Variants in TECPR1 observed in about 807,000 individuals in gnomAD.
The protein encoded by TECPR1 is tectonin beta-propeller repeat containing 1.
In TECPR1, 122 loss-of-function variants were observed where a neutral mutation model predicts 162.4. The observed-to-expected ratio is 0.75, with a 90% CI of 0.65 to 0.87. TECPR1 has a LOEUF of 0.87. Among genes scored for constraint, TECPR1 ranks in the 40% least tolerant of loss-of-function variants. The pLI, the probability that TECPR1 is intolerant of heterozygous loss-of-function variation, is 0.00. For synonymous variants in TECPR1, 642 were observed against 670.6 expected (o/e 0.96, Z 0.66); for missense variants, 1,432 against 1,618.2 (o/e 0.88, Z 1.97).
chr7:98,220,356 A>T (rs868657789), intron 23 of TECPR1, among the ~76,000 whole-genome samples: 5 of 152,202 alleles, frequency 3.3e-5, no homozygotes, highest in Admixed American at 2.6e-4. Context: ...AAAACAAAAA[A>T]AAAATTTTTT....
In TECPR1 at chr7:98,243,582, T is replaced by C. The variant is rs1798825797; in HGVS notation, c.542A>G (p.Lys181Arg). 1.2e-6 allele frequency: 2 copies of C among 1,612,204 alleles called. No homozygotes were observed. Among genetic ancestry groups the C allele is most frequent in the Non-Finnish European group, 1.7e-6 (2 of 1,179,548 alleles). Residue 181 changes from lysine (K) to arginine (R), a missense_variant, in exon 6 of 26, where the codon AAG becomes AGG. Physicochemically the swap from Lys to Arg is conservative, Grantham distance 26. Coordinates refer to ENST00000447648, the MANE Select transcript of TECPR1 (RefSeq NM_015395.3). ...SRDIWAKIPS[K>R]DDPKELPDPF... The stretch of plus-strand genomic sequence containing the variant: ...GTCGGGCAGCTCCTTGGGGTCATCC[T>C]TCGAGGGGATCTGAAGGAAGGAAGT...
rs749692030 is a variant in TECPR1 at position 98,231,294 on chromosome 7, G to A, written c.2054C>T (p.Thr685Ile). The stretch of plus-strand genomic sequence containing the variant: ...CCACCTCTGCCGTGTCCGCTCAGGG[G>A]TGTACAGGGCAAAGGAGTGCTTGGT... Reference protein sequence around the residue: ...NETKHSFALYTPERTRQRWPV... With the variant: ...NETKHSFALYIPERTRQRWPV... Residue 685 changes from threonine to isoleucine, a missense_variant, in exon 14 of 26, where the codon ACC becomes ATC. Physicochemically the swap from Thr to Ile is moderately conservative, Grantham distance 89. Transcript: ENST00000447648. The A allele has an allele frequency of 1.4e-5, 23 of 1,612,754 alleles. No homozygotes were observed. Among genetic ancestry groups the A allele is most frequent in the Non-Finnish European group, 5.1e-6 (6 of 1,179,546 alleles).
chr7:98,230,286 G>A (rs759052047), intron 15 of TECPR1, among the ~76,000 whole-genome samples: 52 of 151,838 alleles, frequency 3.4e-4, no homozygotes, highest in Non-Finnish European at 6.5e-4. Context: ...GATTGCAGGC[G>A]TGAGCCAACC....
In TECPR1 at chr7:98,236,827, G is replaced by A. The variant is rs199829801; in HGVS notation, c.1130C>T (p.Ala377Val). 1.0e-4 allele frequency: 164 copies of A among 1,588,084 alleles called. No homozygotes were observed. The highest frequency in any genetic ancestry group is 1.3e-4 in the Non-Finnish European group (152 of 1,170,742). ...LSGKTWKAIIAARECDRSHSG... is the reference protein window; with the variant it reads ...LSGKTWKAIIVARECDRSHSG... ...GTGTGACCGGTCACACTCTCGGGCC[G>A]CGATGATGGCTTTCCAGGTCTTCCC... is the stretch of plus-strand genomic sequence containing the variant. The change falls in exon 10 of 26, where the codon GCG becomes GTG. Residue 377 changes from alanine (A) to valine (V), a missense_variant. Ala to Val is a moderately conservative substitution (Grantham distance 64, BLOSUM62 0). Coordinates refer to ENST00000447648, the MANE Select transcript of TECPR1 (RefSeq NM_015395.3).
intron 13 of TECPR1, 64 bp from the exon 14 acceptor site, chr7:98,231,437 C>T (rs1584336683): frequency 6.6e-7 from 1 of 1,504,522 alleles, no homozygotes; most frequent in South Asian, 1.2e-5. Context: ...GGAGGGTGAC[C>T]CCCACTGTGC....
intron 3 of TECPR1, 51 bp downstream of exon 3, chr7:98,245,871 A>G (rs2116629999): frequency 6.6e-7 from 1 of 1,504,482 alleles, no homozygotes; most frequent in East Asian, 2.5e-5. Context: ...ATTTTAACCA[A>G]TAACCCAGCG....
chr7:98,229,331 C>G (rs1380264635), intron 15 of TECPR1, among the ~76,000 whole-genome samples, 165 bp from the exon 16 acceptor site: 4 of 152,188 alleles, frequency 2.6e-5, no homozygotes, highest in Admixed American at 2.6e-4. Flanking sequence ...TCATATTAAT[C>G]AACGCTAAAA....
intron 6 of TECPR1, 76 bp downstream of exon 6, chr7:98,243,391 C>G (rs1007428788): frequency 1.4e-5 from 22 of 1,578,462 alleles, no homozygotes; most frequent in Non-Finnish European, 1.8e-5. Flanking sequence ...GGAGCAAGAC[C>G]CAGGGGGTGC....
Position 98,223,710 on chromosome 7 carries a change from T to TGGTATGAGCTGCAAGGAGGA in TECPR1, c.2691-12_2698dup (p.His900LeufsTer13), listed in dbSNP as rs765154222. 6.2e-7 allele frequency: 1 copy of TGGTATGAGCTGCAAGGAGGA among 1,613,374 alleles called. No individual in the cohort carries two copies. Among genetic ancestry groups the TGGTATGAGCTGCAAGGAGGA allele is most frequent in the Non-Finnish European group, 8.5e-7 (1 of 1,179,610 alleles). Reference sequence around the variant, plus strand: ...AAAATCCTTCATCGTTTTGGACCCATGGTATGAGCTGCAAGGAGGAAGAAG... The same window carrying TGGTATGAGCTGCAAGGAGGA: ...AAAATCCTTCATCGTTTTGGACCCATGGTATGAGCTGCAAGGAGGAGGTATGAGCTGCAAGGAGGAAGAAG... On this transcript the variant is annotated frameshift_variant, in exon 20 of 26. Transcript: ENST00000447648. LOFTEE classifies it high-confidence loss of function.
At chr7:98,227,322 G>A (rs536701017) in intron 17 of TECPR1, among the ~76,000 whole-genome samples, 1 of 151,100 alleles carries the variant, frequency 6.6e-6, no homozygotes, top group East Asian at 2.0e-4. Flanking sequence ...AACCTGGGAG[G>A]CAGAGGTTGC....
At chr7:98,247,437 G>T (rs890340692) in intron 2 of TECPR1, among the ~76,000 whole-genome samples, 1 of 151,984 alleles carries the variant, frequency 6.6e-6, no homozygotes, top group African/African-American at 2.4e-5. Flanking sequence ...CACCATGCCT[G>T]GCCAGATCTT....
chr7:98,242,020 C>G (rs902647186), intron 6 of TECPR1, among the ~76,000 whole-genome samples: 1 of 152,214 alleles, frequency 6.6e-6, no homozygotes, highest in African/African-American at 2.4e-5. Flanking sequence ...TCTCTCTTTG[C>G]ATCCAGATGG....
chr7:98,227,159 C>G lies in TECPR1; in HGVS notation c.2513+855G>C, dbSNP rs547285799. On this transcript the variant is annotated intron_variant, in intron 17 of 25. Coordinates refer to ENST00000447648, the MANE Select transcript of TECPR1 (RefSeq NM_015395.3). Reference sequence around the variant, plus strand: ...CTGTAATCCCAGCACTTTGGGAGGCCGAGGCAGGCGGATCATGAGGTCAGG... The same window carrying G: ...CTGTAATCCCAGCACTTTGGGAGGCGGAGGCAGGCGGATCATGAGGTCAGG... Among the ~76,000 whole-genome samples the G allele has an allele frequency of 3.2e-4, 47 of 149,164 alleles. No individual in the cohort carries two copies. In the East Asian group the frequency reaches 9.4e-3, roughly 30 times the overall value.
chr7:98,228,046 C>T lies in TECPR1; in HGVS notation c.2481G>A (p.Gln827=). The change falls in exon 17 of 26, where the codon CAG becomes CAA. Residue 827 remains glutamine, a synonymous_variant. Coordinates refer to ENST00000447648, the MANE Select transcript of TECPR1 (RefSeq NM_015395.3). ...DVKCVHIYEN[Q]RWNPVTGYTS... The stretch of plus-strand genomic sequence containing the variant: ...TGTAGCCTGTGACGGGGTTCCAGCG[C>T]TGGTTCTCATAGATGTGAACACACT... The T allele has an allele frequency of 6.2e-7, 1 of 1,613,078 alleles. No homozygotes were observed.
At chr7:98,228,691 A>C (rs1049122216) in intron 16 of TECPR1, 4 of 241,912 alleles carry the variant, frequency 1.7e-5, no homozygotes, top group African/African-American at 8.8e-5. Context: ...TTCGTTTTCC[A>C]GTAGGAACAG....
chr7:98,219,265 G>A (rs1798087446), intron 23 of TECPR1, among the ~76,000 whole-genome samples: 2 of 152,140 alleles, frequency 1.3e-5, no homozygotes, highest in Admixed American at 6.5e-5. Context: ...CTTACATCTA[G>A]ACCTAAAACC....
chr7:98,238,325 G>A (rs149317487), intron 9 of TECPR1, among the ~76,000 whole-genome samples, 184 bp downstream of exon 9: 31 of 152,168 alleles, frequency 2.0e-4, no homozygotes, highest in African/African-American at 4.6e-4. Context: ...CTGTGCCACC[G>A]GGGGGGTGGG....
intron 11 of TECPR1, 54 bp downstream of exon 11, chr7:98,233,367 A>C (rs557345293): frequency 2.1e-6 from 3 of 1,400,734 alleles, no homozygotes; most frequent in African/African-American, 1.5e-5. Flanking sequence ...CACACCCCAC[A>C]CCCCCAGGGC....
intron 19 of TECPR1, 33 bp from the exon 20 acceptor site, chr7:98,223,751 C>T: frequency 6.2e-7 from 1 of 1,612,400 alleles, no homozygotes; most frequent in Non-Finnish European, 8.5e-7. Context: ...ATCAGGGCCA[C>T]TTCGTGGAAG....
Sources: gnomAD v4.1 joint callset for allele counts (sites outside exome capture counted in the v4.1 genomes callset) on GRCh38, gnomAD v4.1.1 for gene constraint, MANE v1.5 for transcripts, NCBI Gene and HGNC (gene_info 2026-07-23, HGNC 2026-07-21) for gene names.